The following IDS variants were observed in gnomAD, a reference collection of about 807,000 sequenced individuals.
The protein encoded by IDS is iduronate 2-sulfatase, also known as alpha-L-iduronate sulfate sulfatase.
Under a neutral mutation model 33.5 loss-of-function variants are expected in IDS, and 1 was observed. The ratio of observed to expected loss-of-function variants is 0.03; its 90% CI spans 0.01 to 0.14. IDS has a LOEUF of 0.14. IDS is among the 10% of genes least tolerant of loss of function. The pLI is 1.00. For synonymous variants in IDS, 191 were observed against 184.4 expected, an observed-to-expected ratio of 1.04 and a Z score of -0.29; for missense variants, 328 against 448.0, an observed-to-expected ratio of 0.73 and a Z score of 2.42.
intron 4 of IDS, among the ~76,000 whole-genome samples, chrX:149,498,777 A>C (rs929816730): frequency 8.9e-6 from 1 of 112,654 alleles, no homozygotes; most frequent in Admixed American, 9.4e-5. Flanking sequence ...TTTAAGATGG[A>C]AAATAACAAG....
chrX:149,481,725 G>A lies in IDS; in HGVS notation c.*1021C>T, dbSNP rs2089297099. The A allele has an allele frequency of 8.9e-6, 1 of 112,212 alleles. No homozygotes were observed. The highest frequency in any genetic ancestry group is 3.2e-5 in the African/African-American group (1 of 30,856). 9.2% of individuals were successfully genotyped at this position (112,212 alleles called of 1,213,427 possible). On this transcript the variant is annotated 3_prime_UTR_variant, in exon 9 of 9. Coordinates refer to ENST00000340855, the MANE Select transcript of IDS (RefSeq NM_000202.8). ...GAGAATATAGAACTACATTCTGGGA[G>A]ATTGACAATGACCTAATATTACACT...
intron 8 of IDS, among the ~76,000 whole-genome samples, chrX:149,484,574 C>G (rs1217466980): frequency 1.8e-5 from 2 of 112,934 alleles, no homozygotes; most frequent in Non-Finnish European, 3.7e-5. Context: ...CCCACCTTGG[C>G]CTCCCAAAGT....
At chrX:149,498,529 C>G (rs782344223) in intron 4 of IDS, among the ~76,000 whole-genome samples, 1 of 112,236 alleles carries the variant, frequency 8.9e-6, no homozygotes, top group Non-Finnish European at 1.9e-5. Context: ...TACTAATACT[C>G]TTTCTCCAGA....
chrX:149,493,859 C>T (rs957160569), intron 6 of IDS, among the ~76,000 whole-genome samples: 3 of 111,518 alleles, frequency 2.7e-5, no homozygotes, highest in East Asian at 2.8e-4. Flanking sequence ...AGCCAGGATG[C>T]GTACCCACAT....
At chrX:149,498,022 G>C in intron 5 of IDS, 85 bp downstream of exon 5, 1 of 859,988 alleles carries the variant, frequency 1.2e-6, no homozygotes, top group East Asian at 3.1e-5. Flanking sequence ...GCAGGATGTA[G>C]CCACCTTCCC....
chrX:149,489,220 TAC>T (rs1263315350), intron 7 of IDS, among the ~76,000 whole-genome samples: 2 of 112,461 alleles, frequency 1.8e-5, no homozygotes, highest in African/African-American at 6.5e-5. Flanking sequence ...AATAAAATAT[TAC>T]AGACATTTCT....
At chrX:149,486,262 G>A (rs1368637755) in intron 8 of IDS, among the ~76,000 whole-genome samples, 8 of 111,733 alleles carry the variant, frequency 7.2e-5, no homozygotes, top group Admixed American at 2.8e-4. Context: ...GGACAACCAC[G>A]CGTCTAAACA....
intron 1 of IDS, 55 bp downstream of exon 1, chrX:149,504,976 AGGAG>A: frequency 4.8e-6 from 4 of 828,748 alleles, no homozygotes; most frequent in South Asian, 4.3e-5. Flanking sequence ...GAAAGAAGGA[AGGAG>A]GAAGGAAGGG....
rs879986479 is a variant in IDS, at chrX:149,482,679, G to T, written c.*67C>A. 33 of 1,202,431 alleles carry T rather than the reference G, an allele frequency of 2.7e-5. No homozygotes were observed. The South Asian group carries it at 4.8e-4, about 18-fold the overall frequency. The stretch of plus-strand genomic sequence containing the variant: ...ATTATGGGTAATCACAAAACGACCA[G>T]CTCTAACTCCTCCTCTCACCAGCTG... On this transcript the variant is annotated 3_prime_UTR_variant, in exon 9 of 9. Coordinates refer to ENST00000340855, the MANE Select transcript of IDS (RefSeq NM_000202.8).
intron 3 of IDS, 71 bp from the exon 4 acceptor site, chrX:149,501,108 T>C (rs2089477168): frequency 5.9e-6 from 4 of 677,987 alleles, no homozygotes; most frequent in Non-Finnish European, 9.5e-6. Context: ...ATTAAAACTC[T>C]GTAAACAAAT....
At chrX:149,491,654 G>A (rs782025012) in intron 6 of IDS, 14 of 1,002,106 alleles carry the variant, frequency 1.4e-5, no homozygotes, top group Admixed American at 7.7e-5. Flanking sequence ...GAAACCTGTG[G>A]AACTTTGGTC....
chrX:149,495,099 A>C (rs1469642645), intron 6 of IDS, among the ~76,000 whole-genome samples: 1 of 112,148 alleles, frequency 8.9e-6, no homozygotes, highest in East Asian at 2.8e-4. Context: ...ACCACACATG[A>C]ATCAGCGCCC....
intron 4 of IDS, among the ~76,000 whole-genome samples, chrX:149,499,948 G>A (rs376183085): frequency 9.0e-6 from 1 of 111,370 alleles, no homozygotes; most frequent in South Asian, 3.8e-4. Flanking sequence ...CACAAAGACC[G>A]AGGGGCTGTG....
At chrX:149,500,161 G>C (rs1485181960) in intron 4 of IDS, among the ~76,000 whole-genome samples, 1 of 111,740 alleles carries the variant, frequency 8.9e-6, no homozygotes, top group Non-Finnish European at 1.9e-5. Flanking sequence ...TTAGGGCAGG[G>C]ACCTGGCATT....
At chrX:149,492,334 G>C (rs1320814002) in intron 6 of IDS, among the ~76,000 whole-genome samples, 2 of 111,824 alleles carry the variant, frequency 1.8e-5, no homozygotes, top group Non-Finnish European at 3.8e-5. Context: ...CTGCCTGGGA[G>C]ATTCAGGGAA....
intron 4 of IDS, 38 bp downstream of exon 4, chrX:149,500,911 G>A: frequency 1.1e-6 from 1 of 878,613 alleles, no homozygotes; most frequent in East Asian, 3.1e-5. Flanking sequence ...AAAGGAAAAA[G>A]TGGTTCCTCT....
chrX:149,502,882 GC>G, intron 3 of IDS: 3 of 324,318 alleles, frequency 9.3e-6, no homozygotes, highest in Non-Finnish European at 1.6e-5. Flanking sequence ...CCTAAGCACA[GC>G]CCCCTCATTG....
chrX:149,499,152 G>C (rs149551000), intron 4 of IDS: 2 of 110,617 alleles, frequency 1.8e-5, no homozygotes, highest in Non-Finnish European at 3.8e-5. Context: ...TAAGGAGTTC[G>C]AGACCAGCCT....
At position 149,491,487 on chromosome X, in the gene IDS, C is replaced by A. The variant is rs1414788516; in HGVS notation, c.880-1047G>T. Reference sequence around the variant, plus strand: ...CCAGCCCCTGACTTATCAGCTGGACCCACCAGCTTCTTCTCATCACTGCCA... The same window carrying A: ...CCAGCCCCTGACTTATCAGCTGGACACACCAGCTTCTTCTCATCACTGCCA... On this transcript the variant is annotated intron_variant, in intron 6 of 8. Coordinates refer to ENST00000340855, the MANE Select transcript of IDS (RefSeq NM_000202.8). 3 of 901,383 alleles carry A rather than the reference C, an allele frequency of 3.3e-6. No homozygotes were observed. The East Asian group carries it at 2.3e-4, about 70-fold the overall frequency. The allele number at this position is 901,383 out of a possible 1,213,427, so 74.3% of individuals were successfully genotyped here.
Sources: allele counts gnomAD v4.1 joint callset (sites outside exome capture counted in the v4.1 genomes callset), GRCh38; gene constraint gnomAD v4.1.1; transcripts MANE v1.5; gene names NCBI Gene and HGNC (gene_info 2026-07-23, HGNC 2026-07-21).